PTPRD: variants seen among roughly 807,000 people sequenced by gnomAD.
The protein encoded by PTPRD is receptor-type tyrosine-protein phosphatase delta.
Under a neutral mutation model 214.5 loss-of-function variants are expected in PTPRD, and 34 were observed. The ratio of observed to expected loss-of-function variants is 0.16; its 90% confidence interval spans 0.12 to 0.21. The LOEUF (loss-of-function observed/expected upper bound fraction) is 0.21. PTPRD is among the 10% of genes least tolerant of loss of function. The pLI is 1.00. For synonymous variants in PTPRD, 1,128 were observed against 845.7 expected (o/e 1.33, Z -5.79); for missense variants, 2,545 against 2,398.7 (o/e 1.06, Z -1.27).
At chr9:9,744,191 A>G (rs963302855) in intron 6 of PTPRD, among the ~76,000 whole-genome samples, 6 of 152,162 alleles carry the variant, frequency 3.9e-5, no homozygotes, top group Admixed American at 3.9e-4. Flanking sequence ...CAAACAAGTC[A>G]TAATCAACGA....
chr9:9,414,610 T>G (rs1376178748), intron 8 of PTPRD: 1 of 152,132 alleles, frequency 6.6e-6, no homozygotes, highest in Non-Finnish European at 1.5e-5. Context: ...ATCTTCATCA[T>G]CTCTTAGATA....
chr9:9,742,131 G>C (rs1366617282), intron 6 of PTPRD, among the ~76,000 whole-genome samples: 2 of 152,140 alleles, frequency 1.3e-5, no homozygotes, highest in African/African-American at 4.8e-5. Context: ...TTGTGGTTTT[G>C]ATTTGCATTT....
chr9:9,037,294 G>T (rs35328395), intron 10 of PTPRD, among the ~76,000 whole-genome samples: 2 of 152,012 alleles, frequency 1.3e-5, no homozygotes, highest in Non-Finnish European at 2.9e-5. Context: ...CAAAAGTTTC[G>T]CAAAATGTAT....
At position 10,169,054 on chromosome 9, in the gene PTPRD, T is replaced by C. The variant is rs72696946; in HGVS notation, c.-544-135264A>G. On this transcript the variant is annotated intron_variant, in intron 3 of 45. Transcript: ENST00000381196. Reference sequence around the variant, plus strand: ...TGTCAGAAACCAGCTTGGTTCAATATACAGATATCTTTCAGAATGGAGAGA... The same window carrying C: ...TGTCAGAAACCAGCTTGGTTCAATACACAGATATCTTTCAGAATGGAGAGA... Among the ~76,000 whole-genome samples, 862 of 152,266 alleles carry C rather than the reference T, an allele frequency of 5.7e-3. 2 individuals are homozygous for C. The highest frequency in any genetic ancestry group is 9.5e-3 in the Non-Finnish European group (645 of 68,000).
chr9:9,706,321 C>A (rs185434223), intron 7 of PTPRD, among the ~76,000 whole-genome samples: 2 of 152,216 alleles, frequency 1.3e-5, no homozygotes, highest in African/African-American at 4.8e-5. Flanking sequence ...AAGTTTCATA[C>A]GTACATTGAT....
chr9:8,400,930 A>G (rs1198487806), intron 36 of PTPRD, among the ~76,000 whole-genome samples: 1 of 152,194 alleles, frequency 6.6e-6, no homozygotes, highest in Non-Finnish European at 1.5e-5. Flanking sequence ...AAGAAAACTG[A>G]TATTCAGAGA....
At chr9:10,041,590 A>G (rs1352447233) in intron 3 of PTPRD, among the ~76,000 whole-genome samples, 1 of 151,880 alleles carries the variant, frequency 6.6e-6, no homozygotes, top group African/African-American at 2.4e-5. Flanking sequence ...GTTATATTAG[A>G]GACTTTACTA....
chr9:9,921,968 G>A (rs916976545), intron 5 of PTPRD, among the ~76,000 whole-genome samples: 6 of 152,030 alleles, frequency 3.9e-5, no homozygotes, highest in Admixed American at 6.6e-5. Context: ...AAGCAGTGTC[G>A]TTGTAAAGTC....
At chr9:8,951,419 A>C (rs567154028) in intron 11 of PTPRD, among the ~76,000 whole-genome samples, 2 of 150,458 alleles carry the variant, frequency 1.3e-5, no homozygotes, top group Non-Finnish European at 2.9e-5. Context: ...AGGTTATCTA[A>C]TTGAAGCCAA....
At position 9,980,622 on chromosome 9, in the gene PTPRD, A is replaced by C. The variant is rs866447923; in HGVS notation, c.-471-42012T>G. Among the ~76,000 whole-genome samples, 277 of 142,016 alleles carry C rather than the reference A, an allele frequency of 2.0e-3. 3 individuals are homozygous for C. In the East Asian group the frequency reaches 0.026, roughly 13 times the overall value. 93.2% of individuals were successfully genotyped at this position (142,016 alleles called of 152,430 possible). Reference sequence around the variant, plus strand: ...AGACACCTTGTCAAAAAAAAACAAAAAAAAAAAAAAAACAAAAAAAAAAAC... The same window carrying C: ...AGACACCTTGTCAAAAAAAAACAAACAAAAAAAAAAAACAAAAAAAAAAAC... On this transcript the variant is annotated intron_variant, in intron 4 of 45. Transcript: ENST00000381196.
rs530483140 is a variant in PTPRD, at chr9:8,547,692, G to C, written c.353-18913C>G. Among the ~76,000 whole-genome samples, 10 of 145,932 alleles carry C rather than the reference G, an allele frequency of 6.9e-5. No homozygotes were observed. In the South Asian group the frequency reaches 8.9e-4, roughly 13 times the overall value. ...TGACTATTATTTCTATTTTAGAAAA[G>C]TCACAGGCATTGGATTTAATTCCAA... is the stretch of plus-strand genomic sequence containing the variant. On this transcript the variant is annotated intron_variant, in intron 14 of 45. Coordinates refer to ENST00000381196, the MANE Select transcript of PTPRD (RefSeq NM_002839.4).
intron 2 of PTPRD, among the ~76,000 whole-genome samples, chr9:10,573,050 T>G (rs548324875): frequency 2.6e-5 from 4 of 152,240 alleles, no homozygotes; most frequent in African/African-American, 9.6e-5. Flanking sequence ...AACTGAAATT[T>G]GACAGGATCT....
rs2093481827 is a variant in PTPRD at position 9,459,967 on chromosome 9, A to T, written c.-236-62485T>A. 2.0e-5 allele frequency among the ~76,000 whole-genome samples: 3 copies of T among 152,112 alleles called. No homozygotes were observed. In the East Asian group the frequency reaches 5.8e-4, roughly 29 times the overall value. ...CTATACTTCAAGGCTATAGTAACCA[A>T]AACACCATGGAACTGGTACAAAAAT... On this transcript the variant is annotated intron_variant, in intron 8 of 45. Transcript: ENST00000381196.
chr9:9,227,351 C>T (rs972703773), intron 9 of PTPRD, among the ~76,000 whole-genome samples: 2 of 152,098 alleles, frequency 1.3e-5, no homozygotes, highest in African/African-American at 4.8e-5. Flanking sequence ...TTTTTCTCCT[C>T]TAATGTGAAA....
At chr9:9,284,394 C>A (rs1201472869) in intron 9 of PTPRD, among the ~76,000 whole-genome samples, 1 of 151,658 alleles carries the variant, frequency 6.6e-6, no homozygotes. Context: ...AAGTTTTATT[C>A]TTCCTCTTGC....
intron 14 of PTPRD, among the ~76,000 whole-genome samples, chr9:8,554,330 AT>A (rs1244298500): frequency 6.6e-6 from 1 of 152,240 alleles, no homozygotes; most frequent in Admixed American, 6.5e-5. Context: ...ATAGAAAAAA[AT>A]GATTATTCTC....
At chr9:10,318,976 ATGT>A (rs1230452195) in intron 3 of PTPRD, among the ~76,000 whole-genome samples, 3 of 151,990 alleles carry the variant, frequency 2.0e-5, no homozygotes, top group Non-Finnish European at 4.4e-5. Flanking sequence ...AAACAAAAAC[ATGT>A]TGTTGCTGCT....
At chr9:9,833,633 T>A (rs1188671452) in intron 5 of PTPRD, among the ~76,000 whole-genome samples, 1 of 104,184 alleles carries the variant, frequency 9.6e-6, no homozygotes, top group African/African-American at 4.3e-5. Context: ...GAGACTGGAG[T>A]TTATTTCACC....
chr9:10,060,333 A>G (rs1370779924), intron 3 of PTPRD, among the ~76,000 whole-genome samples: 2 of 152,092 alleles, frequency 1.3e-5, no homozygotes, highest in Non-Finnish European at 2.9e-5. Context: ...TACTTTCTAA[A>G]TGCAAATTCA....
Sources: gnomAD v4.1 joint callset for allele counts (sites outside exome capture counted in the v4.1 genomes callset) on GRCh38, gnomAD v4.1.1 for gene constraint, MANE v1.5 for transcripts, NCBI Gene and HGNC (gene_info 2026-07-23, HGNC 2026-07-21) for gene names.